The following ENTREP2 variants were observed in gnomAD, a reference collection of about 807,000 sequenced individuals.
ENTREP2 encodes endosomal transmembrane epsin interactor 2, also known as protein ENTREP2.
the ENTREP2 span, among the ~76,000 whole-genome samples, chr15:29,393,014 A>G: frequency 6.6e-6 from 1 of 152,272 alleles, no homozygotes; most frequent in Admixed American, 6.5e-5. Flanking sequence ...TTTTATTTCC[A>G]AATGTAACTA....
At chr15:29,582,197 A>C in the ENTREP2 span, among the ~76,000 whole-genome samples, 1 of 152,176 alleles carries the variant, frequency 6.6e-6, no homozygotes, top group South Asian at 2.1e-4. Flanking sequence ...GCAATTCAAT[A>C]CAGGAAGAAA....
At chr15:29,572,687 A>T in the ENTREP2 span, among the ~76,000 whole-genome samples, 228 of 152,224 alleles carry the variant, frequency 1.5e-3, no homozygotes, top group Non-Finnish European at 2.4e-3. Context: ...CTATTCAAAA[A>T]ATAGTATACA....
chr15:29,195,260 G>C, the ENTREP2 span: 1 of 985,332 alleles, frequency 1.0e-6, no homozygotes, highest in Non-Finnish European at 1.2e-6. Flanking sequence ...GCCAGGCGTA[G>C]TCCTACCATG....
At chr15:29,528,054 C>G in the ENTREP2 span, among the ~76,000 whole-genome samples, 10 of 152,156 alleles carry the variant, frequency 6.6e-5, no homozygotes, top group African/African-American at 2.4e-4. Context: ...CCCCTACCTT[C>G]CAGGTGCTGT....
chr15:29,297,302 G>C, the ENTREP2 span, among the ~76,000 whole-genome samples: 64 of 152,258 alleles, frequency 4.2e-4, no homozygotes, highest in African/African-American at 1.5e-3. Context: ...GCCAAACTTA[G>C]AACAGTGTAC....
the ENTREP2 span, among the ~76,000 whole-genome samples, chr15:29,284,981 A>G: frequency 6.6e-5 from 10 of 152,226 alleles, no homozygotes. Flanking sequence ...CAATCTCAGC[A>G]TACTCCAGGA....
the ENTREP2 span, among the ~76,000 whole-genome samples, chr15:29,367,059 T>A: frequency 2.0e-5 from 3 of 152,202 alleles, no homozygotes; most frequent in Non-Finnish European, 4.4e-5. Context: ...ATGAAATGGT[T>A]AGAATCAAGT....
the ENTREP2 span, among the ~76,000 whole-genome samples, chr15:29,354,629 T>A: frequency 6.6e-6 from 1 of 151,990 alleles, no homozygotes; most frequent in African/African-American, 2.4e-5. Flanking sequence ...TTTCTGAGTC[T>A]CACGGTGATA....
the ENTREP2 span, among the ~76,000 whole-genome samples, chr15:29,444,214 G>GAAAGAAAGAAAGAAAGAAAGA: frequency 2.2e-4 from 32 of 146,218 alleles, no homozygotes; most frequent in African/African-American, 8.3e-4. Flanking sequence ...AAGAAAGAAA[G>GAAAGAAAGAAAGAAAGAAAGA]AAAGAAAGAA....
At chr15:29,153,334 G>A in the ENTREP2 span, among the ~76,000 whole-genome samples, 2 of 152,190 alleles carry the variant, frequency 1.3e-5, no homozygotes, top group Non-Finnish European at 2.9e-5. Flanking sequence ...TCTAACAACA[G>A]TCACTTCTCA....
At chr15:29,611,670 C>T in the ENTREP2 span, among the ~76,000 whole-genome samples, 3 of 152,206 alleles carry the variant, frequency 2.0e-5, no homozygotes, top group South Asian at 6.3e-4. Context: ...ATTTTCCTTC[C>T]AGTGTCATCT....
chr15:29,509,963 G>C, the ENTREP2 span, among the ~76,000 whole-genome samples: 2 of 152,152 alleles, frequency 1.3e-5, no homozygotes, highest in African/African-American at 2.4e-5. Context: ...AGAGTGAACA[G>C]GCAACCTACA....
the ENTREP2 span, among the ~76,000 whole-genome samples, chr15:29,274,639 A>G: frequency 6.6e-6 from 1 of 152,178 alleles, no homozygotes; most frequent in Non-Finnish European, 1.5e-5. Context: ...GCTTCTTTCC[A>G]GGGATTTCTG....
the ENTREP2 span, among the ~76,000 whole-genome samples, chr15:29,516,770 T>A: frequency 6.6e-6 from 1 of 152,064 alleles, no homozygotes; most frequent in African/African-American, 2.4e-5. Context: ...CGTATAACAT[T>A]TTTCATAATA....
At chr15:29,214,659 C>T in the ENTREP2 span, among the ~76,000 whole-genome samples, 1 of 148,486 alleles carries the variant, frequency 6.7e-6, no homozygotes, top group South Asian at 2.2e-4. Context: ...GCACGTTGTG[C>T]ACATGTACCC....
At chr15:29,443,182 G>C in the ENTREP2 span, among the ~76,000 whole-genome samples, 1 of 152,200 alleles carries the variant, frequency 6.6e-6, no homozygotes, top group Non-Finnish European at 1.5e-5. Context: ...CACTCCTGTG[G>C]TCACTCTTCA....
At chr15:29,519,015 C>G in the ENTREP2 span, among the ~76,000 whole-genome samples, 5 of 152,134 alleles carry the variant, frequency 3.3e-5, no homozygotes, top group African/African-American at 1.2e-4. Context: ...TCAGAGACTG[C>G]CTGAAATGCT....
At chr15:29,647,736 C>T in the ENTREP2 span, among the ~76,000 whole-genome samples, 1 of 152,068 alleles carries the variant, frequency 6.6e-6, no homozygotes. Flanking sequence ...AAGACTTTGC[C>T]TCATATATAC....
chr15:29,642,283 G>A, the ENTREP2 span, among the ~76,000 whole-genome samples: 7,028 of 151,938 alleles, frequency 0.046, 187 homozygotes, highest in South Asian at 0.066. Context: ...TTGGCATAAG[G>A]ATAGATATAT....
Sources: gnomAD v4.1 joint callset for allele counts (sites outside exome capture counted in the v4.1 genomes callset) on GRCh38, gnomAD v4.1.1 for gene constraint, MANE v1.5 for transcripts, NCBI Gene and HGNC (gene_info 2026-07-23, HGNC 2026-07-21) for gene names.